Variants in ATOSA observed in about 807,000 individuals in gnomAD.
ATOSA encodes atos homolog protein A.
chr15:52,698,410 T>G, the ATOSA span, among the ~76,000 whole-genome samples: 1 of 152,298 alleles, frequency 6.6e-6, no homozygotes, highest in African/African-American at 2.4e-5. Flanking sequence ...TCTTTATACT[T>G]AAAAGAAATT....
At chr15:52,695,899 G>A in the ATOSA span, among the ~76,000 whole-genome samples, 1 of 152,136 alleles carries the variant, frequency 6.6e-6, no homozygotes, top group Non-Finnish European at 1.5e-5. Context: ...CAAGGCAGGA[G>A]CATTCCCTTA....
chr15:52,620,989 C>T, the ATOSA span, among the ~76,000 whole-genome samples: 4 of 152,078 alleles, frequency 2.6e-5, no homozygotes, highest in African/African-American at 7.2e-5. Context: ...GATGCGCAAT[C>T]GAGTATTGTG....
At chr15:52,681,563 T>G in the ATOSA span, among the ~76,000 whole-genome samples, 1 of 152,172 alleles carries the variant, frequency 6.6e-6, no homozygotes, top group Non-Finnish European at 1.5e-5. Flanking sequence ...CACTCTAAGG[T>G]GCTCTGTTCA....
the ATOSA span, among the ~76,000 whole-genome samples, chr15:52,699,026 G>A: frequency 6.6e-6 from 1 of 152,104 alleles, no homozygotes; most frequent in Non-Finnish European, 1.5e-5. Context: ...ATTACTGGAC[G>A]AATAAAATGG....
the ATOSA span, among the ~76,000 whole-genome samples, chr15:52,634,206 G>A: frequency 6.6e-6 from 1 of 152,168 alleles, no homozygotes; most frequent in African/African-American, 2.4e-5. Context: ...GCCAGGCTGG[G>A]CGGATCACCT....
chr15:52,638,265 C>T, the ATOSA span, among the ~76,000 whole-genome samples: 1 of 152,154 alleles, frequency 6.6e-6, no homozygotes, highest in Non-Finnish European at 1.5e-5. Context: ...GAAGAGTTTG[C>T]CACTTTTCAA....
chr15:52,627,454 G>A, the ATOSA span, among the ~76,000 whole-genome samples: 1 of 152,132 alleles, frequency 6.6e-6, no homozygotes, highest in Non-Finnish European at 1.5e-5. Context: ...TTGACACATA[G>A]CAAGTACTCA....
At chr15:52,597,521 C>T in the ATOSA span, among the ~76,000 whole-genome samples, 1 of 152,064 alleles carries the variant, frequency 6.6e-6, no homozygotes, top group South Asian at 2.1e-4. Context: ...CAAGCCACCC[C>T]CTAAGAGTAA....
the ATOSA span, chr15:52,608,668 T>G: frequency 1.9e-6 from 3 of 1,612,430 alleles, no homozygotes; most frequent in African/African-American, 4.0e-5. Flanking sequence ...TGGATCTTCT[T>G]GCTTATCTTG....
chr15:52,686,016 G>A, the ATOSA span, among the ~76,000 whole-genome samples: 1 of 152,144 alleles, frequency 6.6e-6, no homozygotes. Flanking sequence ...GTGAGCCACA[G>A]CACCCACTTT....
the ATOSA span, among the ~76,000 whole-genome samples, chr15:52,596,256 G>A: frequency 3.3e-5 from 5 of 152,002 alleles, no homozygotes; most frequent in African/African-American, 9.7e-5. Context: ...TCCTCCAATC[G>A]ACCTGTATTA....
chr15:52,705,314 A>G, the ATOSA span, among the ~76,000 whole-genome samples: 1 of 150,276 alleles, frequency 6.7e-6, no homozygotes, highest in Non-Finnish European at 1.5e-5. Context: ...ATGAGAACAC[A>G]TGGACACAGG....
At chr15:52,603,216 G>A in the ATOSA span, among the ~76,000 whole-genome samples, 1 of 152,040 alleles carries the variant, frequency 6.6e-6, no homozygotes, top group African/African-American at 2.4e-5. Context: ...ATGGCCAACA[G>A]ATATATGAAA....
the ATOSA span, among the ~76,000 whole-genome samples, chr15:52,669,305 A>G: frequency 2.0e-5 from 3 of 152,202 alleles, no homozygotes; most frequent in Non-Finnish European, 4.4e-5. Flanking sequence ...CATAAAATGA[A>G]TAATTTTTTG....
At chr15:52,665,422 T>C in the ATOSA span, among the ~76,000 whole-genome samples, 3 of 152,310 alleles carry the variant, frequency 2.0e-5, no homozygotes, top group East Asian at 3.9e-4. Flanking sequence ...AGAATATCTA[T>C]AAGAAAGCGA....
chr15:52,661,956 C>CA, the ATOSA span, among the ~76,000 whole-genome samples: 11 of 94,124 alleles, frequency 1.2e-4, no homozygotes, highest in Non-Finnish European at 1.8e-4. Context: ...AAAAAAACAG[C>CA]AAAAAAAAGG....
At chr15:52,658,328 A>G in the ATOSA span, 1 of 154,342 alleles carries the variant, frequency 6.5e-6, no homozygotes, top group Non-Finnish European at 1.4e-5. Flanking sequence ...TACTGAATAT[A>G]GCTTTCTGTG....
the ATOSA span, chr15:52,608,986 T>A: frequency 6.2e-7 from 1 of 1,612,800 alleles, no homozygotes; most frequent in Non-Finnish European, 8.5e-7. Flanking sequence ...AGTGGTGCAA[T>A]TTGAATACTG....
the ATOSA span, chr15:52,584,609 G>A: frequency 1.4e-6 from 1 of 694,806 alleles, no homozygotes; most frequent in Non-Finnish European, 2.3e-6. Flanking sequence ...CGGCATCTTG[G>A]CACATCATCA....
Sources: allele counts gnomAD v4.1 joint callset (sites outside exome capture counted in the v4.1 genomes callset), GRCh38; gene constraint gnomAD v4.1.1; transcripts MANE v1.5; gene names NCBI Gene and HGNC (gene_info 2026-07-23, HGNC 2026-07-21).